Variants in RNF175 observed in about 807,000 individuals in gnomAD.
The protein encoded by RNF175 is ring finger protein 175.
RNF175 carries 38 observed loss-of-function variants against 50.0 expected under a neutral mutation model. The ratio of observed to expected loss-of-function variants is 0.76; its 90% CI spans 0.59 to 1.00. The LOEUF (loss-of-function observed/expected upper bound fraction) is 1.00, where lower values mean the gene tolerates loss of function less well. Ranked by LOEUF, RNF175 falls within the 50% of genes least tolerant of loss-of-function variation. RNF175 has a pLI of 0.00. For synonymous variants in RNF175, 155 were observed against 146.1 expected (o/e 1.06, Z -0.44); for missense variants, 388 against 409.6 (o/e 0.95, Z 0.46).
At chr4:153,759,760 C>G in intron 1 of RNF175, 37 bp downstream of exon 1, 4 of 1,382,718 alleles carry the variant, frequency 2.9e-6, no homozygotes, top group Non-Finnish European at 3.8e-6. Context: ...GGGACCCCGG[C>G]CTGGCGTCCC....
intron 1 of RNF175, among the ~76,000 whole-genome samples, chr4:153,752,137 C>T (rs568545541): frequency 6.6e-6 from 1 of 152,338 alleles, no homozygotes; most frequent in South Asian, 2.1e-4. Flanking sequence ...TAGATTATTG[C>T]TAACCCACTA....
At chr4:153,712,117 A>T (rs1700379597) in intron 8 of RNF175, among the ~76,000 whole-genome samples, 1 of 152,124 alleles carries the variant, frequency 6.6e-6, no homozygotes, top group Admixed American at 6.5e-5. Flanking sequence ...CTATTTATGC[A>T]CCTATCTACC....
At chr4:153,733,148 C>T (rs994126523) in intron 3 of RNF175, among the ~76,000 whole-genome samples, 5 of 152,064 alleles carry the variant, frequency 3.3e-5, no homozygotes, top group African/African-American at 1.2e-4. Flanking sequence ...CCTCAGAAGA[C>T]GGGCATACTT....
rs1316836704 is a variant in RNF175 at position 153,759,846 on chromosome 4, G to A, written c.17C>T (p.Ala6Val). The change falls in exon 1 of 9, where the codon GCG (alanine) becomes GTG (valine). Residue 6 changes from alanine to valine, a missense_variant. Transcript: ENST00000347063. Reference protein sequence around the residue: MAAGTAARKAAPVLEA... With the variant: MAAGTVARKAAPVLEA... ...CAGCACCGGCGCTGCCTTCCGCGCCGCCGTCCCCGCGGCCATGCCTGAGCC... is the reference window on the plus strand; with the variant it reads ...CAGCACCGGCGCTGCCTTCCGCGCCACCGTCCCCGCGGCCATGCCTGAGCC... The A allele has an allele frequency of 3.4e-6, 5 of 1,459,158 alleles. No homozygotes were observed. The highest frequency in any genetic ancestry group is 2.5e-5 in the Admixed American group (1 of 39,984). 90.4% of individuals were successfully genotyped at this position (1,459,158 alleles called of 1,614,324 possible). A position where few individuals can be genotyped will look rare whatever the true frequency, so the allele number is the denominator to read the frequency against.
chr4:153,743,805 G>A (rs1001806664), intron 3 of RNF175, among the ~76,000 whole-genome samples: 1 of 152,144 alleles, frequency 6.6e-6, no homozygotes, highest in Non-Finnish European at 1.5e-5. Context: ...CCCTGGAGAG[G>A]CACTGCAGGT....
Position 153,759,959 on chromosome 4 carries a change from G to T in RNF175, c.-97C>A. On this transcript the variant is annotated 5_prime_UTR_variant, in exon 1 of 9. Transcript: ENST00000347063. ...GCGCCGCGGGGCCTCGGGAGCCGAGGGTGAGAGCCGGATCTGCGGCGGCGG... is the reference window on the plus strand; with the variant it reads ...GCGCCGCGGGGCCTCGGGAGCCGAGTGTGAGAGCCGGATCTGCGGCGGCGG... 1 of 677,772 alleles carries T rather than the reference G, an allele frequency of 1.5e-6. No individual in the cohort carries two copies. Among genetic ancestry groups the T allele is most frequent in the Non-Finnish European group, 2.1e-6 (1 of 469,788 alleles). 42.0% of individuals were successfully genotyped at this position (677,772 alleles called of 1,614,324 possible).
At chr4:153,710,956 G>C (rs1737533982) in intron 8 of RNF175, among the ~76,000 whole-genome samples, 1 of 152,176 alleles carries the variant, frequency 6.6e-6, no homozygotes, top group Non-Finnish European at 1.5e-5. Context: ...GTGCTAGGGA[G>C]CTTAATGAAT....
chr4:153,718,218 G>GTTTT (rs1560770428), intron 6 of RNF175, among the ~76,000 whole-genome samples: 16 of 28,688 alleles, frequency 5.6e-4, no homozygotes, highest in Non-Finnish European at 1.6e-3. Context: ...AGTTTTTTTT[G>GTTTT]TTTGTTTGTT....
intron 3 of RNF175, among the ~76,000 whole-genome samples, chr4:153,734,212 A>G (rs1739208155): frequency 6.6e-6 from 1 of 152,210 alleles, no homozygotes; most frequent in Non-Finnish European, 1.5e-5. Flanking sequence ...TTAACTGGGT[A>G]AATACCCGGT....
chr4:153,711,520 C>T (rs888250361), intron 8 of RNF175, among the ~76,000 whole-genome samples: 4 of 152,168 alleles, frequency 2.6e-5, no homozygotes, highest in Admixed American at 1.3e-4. Flanking sequence ...TTAAACCATA[C>T]GTATAGGGTT....
intron 3 of RNF175, among the ~76,000 whole-genome samples, chr4:153,741,279 T>C (rs12648400): frequency 0.43 from 65,312 of 151,998 alleles, 15,591 homozygotes; most frequent in East Asian, 0.81. Flanking sequence ...CTGTGGTAGG[T>C]CTTATTATGG....
chr4:153,744,094 C>A (rs1371368869), intron 3 of RNF175, among the ~76,000 whole-genome samples: 1 of 152,164 alleles, frequency 6.6e-6, no homozygotes, highest in South Asian at 2.1e-4. Flanking sequence ...AAATATAGGA[C>A]AAGGATGGTC....
intron 2 of RNF175, among the ~76,000 whole-genome samples, chr4:153,750,548 C>T (rs933349732): frequency 7.9e-5 from 12 of 152,094 alleles, no homozygotes; most frequent in South Asian, 4.1e-4. Context: ...TATCAAATGA[C>T]GAAGATGAAA....
intron 3 of RNF175, among the ~76,000 whole-genome samples, chr4:153,739,923 A>T (rs1205801078): frequency 2.0e-5 from 3 of 152,040 alleles, no homozygotes; most frequent in Admixed American, 1.3e-4. Context: ...ATTATTTCAA[A>T]TATTTTTTCA....
chr4:153,735,570 A>G lies in RNF175; in HGVS notation c.247-7209T>C, dbSNP rs1473692114. ...TTGACATACACAAAGTACCTTGCTG[A>G]GATTTTAGTTGAGATTGTGTTTAAT... On this transcript the variant is annotated intron_variant, in intron 3 of 8. Coordinates refer to ENST00000347063, the MANE Select transcript of RNF175 (RefSeq NM_173662.4). Among the ~76,000 whole-genome samples, 4 of 152,138 alleles carry G rather than the reference A, an allele frequency of 2.6e-5. No individual in the cohort carries two copies. In the South Asian group the frequency reaches 6.2e-4, roughly 24 times the overall value.
intron 1 of RNF175, among the ~76,000 whole-genome samples, chr4:153,754,876 G>A (rs1290851852): frequency 1.3e-5 from 2 of 152,206 alleles, no homozygotes; most frequent in East Asian, 3.8e-4. Flanking sequence ...TCTTTGGAGG[G>A]AGCATGACCC....
chr4:153,740,231 C>T (rs2127144277), intron 3 of RNF175, among the ~76,000 whole-genome samples: 1 of 152,026 alleles, frequency 6.6e-6, no homozygotes, highest in Admixed American at 6.5e-5. Flanking sequence ...TCTCTGATTA[C>T]ATTACCCATC....
In RNF175 at chr4:153,734,729, G is replaced by A. The variant is rs1448637202; in HGVS notation, c.247-6368C>T. ...CCCGCTCTGTCGCCCAGGCTGGAGC[G>A]CAGTGGCGTGATCTCGGCTCACTGC... On this transcript the variant is annotated intron_variant, in intron 3 of 8. Coordinates refer to ENST00000347063, the MANE Select transcript of RNF175 (RefSeq NM_173662.4). Among the ~76,000 whole-genome samples the A allele has an allele frequency of 3.3e-4, 42 of 129,190 alleles. 2 individuals are homozygous for A. Among genetic ancestry groups the A allele is most frequent in the South Asian group, 2.6e-4 (1 of 3,868 alleles). 84.8% of individuals were successfully genotyped at this position (129,190 alleles called of 152,430 possible).
chr4:153,723,428 G>A lies in RNF175; in HGVS notation c.432C>T (p.Tyr144=), dbSNP rs1400767063. ...CAACACCAAATGCATAGCTGAGTTT[G>A]TAGATCAAAAGAAACCATTTGTAGA... ...RLVYKWFLLI[Y]KLSYAFGVVG... Residue 144 remains tyrosine (Y), a synonymous_variant, in exon 5 of 9, where the codon TAC becomes TAT. Coordinates refer to ENST00000347063, the MANE Select transcript of RNF175 (RefSeq NM_173662.4). The A allele has an allele frequency of 6.2e-7, 1 of 1,603,706 alleles. No individual in the cohort carries two copies. The highest frequency in any genetic ancestry group is 1.3e-5 in the African/African-American group (1 of 74,884).
Sources: gnomAD v4.1 joint callset for allele counts (sites outside exome capture counted in the v4.1 genomes callset) on GRCh38, gnomAD v4.1.1 for gene constraint, MANE v1.5 for transcripts, NCBI Gene and HGNC (gene_info 2026-07-23, HGNC 2026-07-21) for gene names.